Variants in LRRTM4 observed in about 807,000 individuals in gnomAD.
LRRTM4 encodes the protein leucine-rich repeat transmembrane neuronal protein 4.
In LRRTM4, 25 loss-of-function variants were observed where a neutral mutation model predicts 47.6. The ratio of observed to expected loss-of-function variants is 0.53; its 90% confidence interval spans 0.38 to 0.73. LRRTM4 has a LOEUF of 0.73. LRRTM4 is among the 30% of genes least tolerant of loss of function. LRRTM4 has a pLI of 0.00. For synonymous variants in LRRTM4, 311 were observed against 269.5 expected, an observed-to-expected ratio of 1.15 and a Z score of -1.51; for missense variants, 638 against 713.4, an observed-to-expected ratio of 0.89 and a Z score of 1.20.
At chr2:77,419,355 G>T (rs796457262) in intron 3 of LRRTM4, among the ~76,000 whole-genome samples, 12 of 152,224 alleles carry the variant, frequency 7.9e-5, no homozygotes, top group African/African-American at 1.7e-4. Flanking sequence ...ATGGGGGATT[G>T]GTTCCAGAAC....
chr2:76,775,739 TTCTC>T (rs898500131), intron 3 of LRRTM4, among the ~76,000 whole-genome samples: 6 of 151,976 alleles, frequency 3.9e-5, no homozygotes, highest in African/African-American at 7.2e-5. Flanking sequence ...TGGTGCTCAT[TTCTC>T]TCTCTTTTTT....
chr2:77,480,499 G>A (rs1190172317), intron 3 of LRRTM4, among the ~76,000 whole-genome samples: 1 of 152,162 alleles, frequency 6.6e-6, no homozygotes, highest in East Asian at 1.9e-4. Flanking sequence ...TTAATGTTGA[G>A]TGCACACTGA....
At chr2:77,207,679 T>C (rs964351449) in intron 3 of LRRTM4, among the ~76,000 whole-genome samples, 2 of 151,802 alleles carry the variant, frequency 1.3e-5, no homozygotes, top group African/African-American at 2.4e-5. Context: ...CTGGATGGTA[T>C]GTAGATTTTA....
At chr2:77,177,556 C>T (rs1254059091) in intron 3 of LRRTM4, among the ~76,000 whole-genome samples, 5 of 152,160 alleles carry the variant, frequency 3.3e-5, no homozygotes, top group African/African-American at 4.8e-5. Flanking sequence ...AAACCTATGT[C>T]TTCTACAAAA....
Position 76,900,859 on chromosome 2 carries a change from A to G in LRRTM4, c.1552-151943T>C, listed in dbSNP as rs145774976. ...GCAATTCTGAGTCCTCTGACATTTA[A>G]TTAACACTCATTGGATTGAATAATG... On this transcript the variant is annotated intron_variant, in intron 3 of 3. Coordinates refer to ENST00000409884, the MANE Select transcript of LRRTM4 (RefSeq NM_001134745.3). Among the ~76,000 whole-genome samples the G allele has an allele frequency of 5.6e-4, 85 of 152,314 alleles. No individual in the cohort carries two copies. The East Asian group carries it at 0.01, about 18-fold the overall frequency.
chr2:77,127,286 C>T (rs528708798), intron 3 of LRRTM4, among the ~76,000 whole-genome samples: 50 of 152,292 alleles, frequency 3.3e-4, no homozygotes, highest in African/African-American at 9.9e-4. Context: ...TACTCTGTTA[C>T]ATGGCTGTCT....
At chr2:77,491,909 A>G (rs1354668845) in intron 3 of LRRTM4, among the ~76,000 whole-genome samples, 1 of 151,994 alleles carries the variant, frequency 6.6e-6, no homozygotes, top group Non-Finnish European at 1.5e-5. Flanking sequence ...AATGGTAATA[A>G]AGATGAGGCA....
At chr2:77,472,706 A>G (rs989774512) in intron 3 of LRRTM4, among the ~76,000 whole-genome samples, 3 of 152,164 alleles carry the variant, frequency 2.0e-5, no homozygotes, top group African/African-American at 7.2e-5. Context: ...GCATATATCT[A>G]GCAGGTCAAC....
At chr2:76,973,152 T>C (rs1676279980) in intron 3 of LRRTM4, among the ~76,000 whole-genome samples, 1 of 139,344 alleles carries the variant, frequency 7.2e-6, no homozygotes, top group African/African-American at 3.0e-5. Flanking sequence ...TTAATGGTAG[T>C]TACAAGGAGA....
chr2:76,975,218 G>A (rs1451863727), intron 3 of LRRTM4, among the ~76,000 whole-genome samples: 1 of 151,636 alleles, frequency 6.6e-6, no homozygotes, highest in Non-Finnish European at 1.5e-5. Context: ...TTTTCTCATA[G>A]TGGTTTACTA....
At chr2:76,807,795 T>C (rs1390571574) in intron 3 of LRRTM4, among the ~76,000 whole-genome samples, 2 of 151,590 alleles carry the variant, frequency 1.3e-5, no homozygotes, top group African/African-American at 2.4e-5. Flanking sequence ...TTTCACCATG[T>C]TGGTCTCCAA....
At chr2:76,928,793 TTTA>T (rs1674670787) in intron 3 of LRRTM4, among the ~76,000 whole-genome samples, 1 of 152,166 alleles carries the variant, frequency 6.6e-6, no homozygotes, top group Non-Finnish European at 1.5e-5. Flanking sequence ...GAGAATTTCC[TTTA>T]TTGATTTACA....
chr2:76,929,955 G>A (rs200925106), intron 3 of LRRTM4, among the ~76,000 whole-genome samples: 1 of 143,174 alleles, frequency 7.0e-6, no homozygotes, highest in Non-Finnish European at 1.5e-5. Flanking sequence ...GTGTGTGTGT[G>A]TGTGTTTTAA....
intron 3 of LRRTM4, among the ~76,000 whole-genome samples, chr2:77,012,341 T>C (rs1022285106): frequency 6.6e-6 from 1 of 152,134 alleles, no homozygotes; most frequent in African/African-American, 2.4e-5. Flanking sequence ...TTGAAACGGA[T>C]GTTCTAGTAA....
chr2:76,780,370 C>G (rs1398677947), intron 3 of LRRTM4, among the ~76,000 whole-genome samples: 6 of 152,118 alleles, frequency 3.9e-5, no homozygotes, highest in East Asian at 1.9e-4. Context: ...CAACTTGGTT[C>G]CATTCTCCCC....
At position 76,842,674 on chromosome 2, in the gene LRRTM4, T is replaced by C. The variant is rs138678724; in HGVS notation, c.1552-93758A>G. Among the ~76,000 whole-genome samples, 102 of 152,344 alleles carry C rather than the reference T, an allele frequency of 6.7e-4. 1 individual carries two copies. Among genetic ancestry groups the C allele is most frequent in the African/African-American group, 2.4e-3 (98 of 41,584 alleles). Reference sequence around the variant, plus strand: ...AAAACAGAATGGTTGCATGGGTATGTAGAGGAGAGAATTAACCTCCAATTT... The same window carrying C: ...AAAACAGAATGGTTGCATGGGTATGCAGAGGAGAGAATTAACCTCCAATTT... On this transcript the variant is annotated intron_variant, in intron 3 of 3. Transcript: ENST00000409884.
intron 3 of LRRTM4, among the ~76,000 whole-genome samples, chr2:77,141,372 C>CA (rs1414804050): frequency 2.0e-5 from 3 of 148,322 alleles, no homozygotes; most frequent in South Asian, 2.1e-4. Context: ...ATCACAAGGA[C>CA]AAAAAACCAA....
chr2:77,171,497 G>A lies in LRRTM4; in HGVS notation c.1551+346821C>T, dbSNP rs560096775. Among the ~76,000 whole-genome samples the A allele has an allele frequency of 1.7e-4, 26 of 151,936 alleles. No homozygotes were observed. The South Asian group carries it at 3.9e-3, about 23-fold the overall frequency. ...TCACCATGTTGGCCTGGCTGGTCTC[G>A]AACTCCTGACCTCAAGTGATCCACC... On this transcript the variant is annotated intron_variant, in intron 3 of 3. Transcript: ENST00000409884.
At chr2:76,805,212 T>TG (rs1166561035) in intron 3 of LRRTM4, among the ~76,000 whole-genome samples, 3 of 152,068 alleles carry the variant, frequency 2.0e-5, no homozygotes, top group African/African-American at 2.4e-5. Flanking sequence ...ATTCCACTTG[T>TG]GGGAAAAAGC....
Sources: gnomAD v4.1 joint callset for allele counts (sites outside exome capture counted in the v4.1 genomes callset) on GRCh38, gnomAD v4.1.1 for gene constraint, MANE v1.5 for transcripts, NCBI Gene and HGNC (gene_info 2026-07-23, HGNC 2026-07-21) for gene names.